Variants in MARCHF4 observed in about 807,000 individuals in gnomAD.
The protein encoded by MARCHF4 is membrane associated ring-CH-type finger 4.
MARCHF4 carries 14 observed loss-of-function variants against 43.9 expected under a neutral mutation model. The observed-to-expected ratio is 0.32, with a 90% CI of 0.21 to 0.50. MARCHF4 has a LOEUF of 0.50. MARCHF4 is among the 20% of genes least tolerant of loss of function. MARCHF4 has a pLI of 0.98. For synonymous variants in MARCHF4, 226 were observed against 213.3 expected (o/e 1.06, Z -0.52); for missense variants, 468 against 536.7 (o/e 0.87, Z 1.27).
At chr2:216,337,166 A>AG (rs1456004712) in intron 1 of MARCHF4, among the ~76,000 whole-genome samples, 1 of 151,972 alleles carries the variant, frequency 6.6e-6, no homozygotes, top group Non-Finnish European at 1.5e-5. Context: ...AAAAAAAAAA[A>AG]GAAAGGTTAA....
intron 1 of MARCHF4, among the ~76,000 whole-genome samples, chr2:216,323,486 C>T (rs1370618005): frequency 2.6e-5 from 4 of 152,166 alleles, no homozygotes; most frequent in African/African-American, 7.2e-5. Context: ...ACAGAACTCT[C>T]CACCCCAAAT....
At chr2:216,274,249 G>T (rs1230675677) in intron 3 of MARCHF4, among the ~76,000 whole-genome samples, 1 of 152,146 alleles carries the variant, frequency 6.6e-6, no homozygotes, top group Non-Finnish European at 1.5e-5. Flanking sequence ...GATGTGGAGT[G>T]CAGTGAGGAC....
intron 3 of MARCHF4, 45 bp from the exon 4 acceptor site, chr2:216,259,724 G>A: frequency 1.9e-6 from 3 of 1,549,036 alleles, no homozygotes; most frequent in Non-Finnish European, 2.7e-6. Context: ...ATGAGAGGAA[G>A]TGGGTCACGG....
intron 1 of MARCHF4, among the ~76,000 whole-genome samples, chr2:216,301,381 G>A (rs911831513): frequency 6.6e-6 from 1 of 152,170 alleles, no homozygotes; most frequent in African/African-American, 2.4e-5. Context: ...TCATCTCTGT[G>A]CTTCCCCCAA....
intron 1 of MARCHF4, among the ~76,000 whole-genome samples, chr2:216,327,957 CAAA>C (rs113198806): frequency 1.1e-5 from 1 of 88,078 alleles, no homozygotes; most frequent in Non-Finnish European, 2.4e-5. Context: ...TATTAGCTTG[CAAA>C]AAAAAAAAAA....
At chr2:216,277,570 C>T (rs1691046772) in intron 3 of MARCHF4, 102 bp downstream of exon 3, 1 of 1,253,122 alleles carries the variant, frequency 8.0e-7, no homozygotes, top group Admixed American at 2.2e-5. Flanking sequence ...AGCCTGGGGC[C>T]ATATCTGCTT....
chr2:216,364,503 G>T lies in MARCHF4; in HGVS notation c.516+5242C>A, dbSNP rs138567247. The stretch of plus-strand genomic sequence containing the variant: ...CCCCACAGTGTGAGGAGTCTGCGGG[G>T]TCAAGGAACCTCACCTCTCTTCTGG... On this transcript the variant is annotated intron_variant, in intron 1 of 3. Transcript: ENST00000273067. Among the ~76,000 whole-genome samples, 98 of 152,294 alleles carry T rather than the reference G, an allele frequency of 6.4e-4. No homozygotes were observed. In the East Asian group the frequency reaches 0.017, roughly 27 times the overall value.
rs116425140 is a variant in MARCHF4 at position 216,288,167 on chromosome 2, G to T, written c.517-4438C>A. 9.6e-3 allele frequency among the ~76,000 whole-genome samples: 1,466 copies of T among 152,300 alleles called. 21 individuals carry two copies. The highest frequency in any genetic ancestry group is 0.033 in the African/African-American group (1,373 of 41,556). Reference sequence around the variant, plus strand: ...TTTTGTAGAGGTGAGATTTCACCACGTAGCCCAGGCTGATCTCAAACTCCT... The same window carrying T: ...TTTTGTAGAGGTGAGATTTCACCACTTAGCCCAGGCTGATCTCAAACTCCT... On this transcript the variant is annotated intron_variant, in intron 1 of 3. Transcript: ENST00000273067.
At chr2:216,324,261 C>A (rs1179044942) in intron 1 of MARCHF4, among the ~76,000 whole-genome samples, 1 of 147,292 alleles carries the variant, frequency 6.8e-6, no homozygotes, top group Non-Finnish European at 1.5e-5. Context: ...CAAGACTAAA[C>A]CAGGAAGAAG....
At chr2:216,350,817 C>T (rs1422742971) in intron 1 of MARCHF4, among the ~76,000 whole-genome samples, 4 of 152,220 alleles carry the variant, frequency 2.6e-5, no homozygotes, top group Admixed American at 6.5e-5. Flanking sequence ...CTTGTTAAAC[C>T]GAAAAGTTAT....
chr2:216,291,262 T>C (rs1480163256), intron 1 of MARCHF4, among the ~76,000 whole-genome samples: 2 of 152,170 alleles, frequency 1.3e-5, no homozygotes, highest in Non-Finnish European at 2.9e-5. Context: ...CAGGGAGTAA[T>C]GGACCTTGTC....
At chr2:216,264,557 G>A (rs942232756) in intron 3 of MARCHF4, among the ~76,000 whole-genome samples, 1 of 152,158 alleles carries the variant, frequency 6.6e-6, no homozygotes, top group Non-Finnish European at 1.5e-5. Flanking sequence ...TAATCCCCTC[G>A]AGGACAGAGC....
chr2:216,293,078 C>T (rs1160315294), intron 1 of MARCHF4, among the ~76,000 whole-genome samples: 1 of 152,182 alleles, frequency 6.6e-6, no homozygotes, highest in Non-Finnish European at 1.5e-5. Context: ...CTCTATGGCC[C>T]TAGAATCCAT....
intron 1 of MARCHF4, among the ~76,000 whole-genome samples, chr2:216,355,414 G>A (rs935384211): frequency 7.9e-5 from 12 of 152,270 alleles, no homozygotes; most frequent in Non-Finnish European, 1.5e-4. Context: ...AATCAGTCTT[G>A]TTTTACTTAT....
intron 1 of MARCHF4, among the ~76,000 whole-genome samples, chr2:216,353,609 G>A (rs763985568): frequency 3.9e-5 from 6 of 152,038 alleles, no homozygotes; most frequent in Non-Finnish European, 5.9e-5. Context: ...GTGCAGTGGC[G>A]TGATCTCAGC....
intron 1 of MARCHF4, among the ~76,000 whole-genome samples, chr2:216,309,599 G>T (rs1263857431): frequency 6.6e-6 from 1 of 152,198 alleles, no homozygotes; most frequent in Non-Finnish European, 1.5e-5. Context: ...TCTGAGGAGG[G>T]CTTCCCAGGG....
intron 1 of MARCHF4, among the ~76,000 whole-genome samples, chr2:216,360,389 T>C (rs1692557805): frequency 6.6e-6 from 1 of 152,180 alleles, no homozygotes; most frequent in African/African-American, 2.4e-5. Context: ...ATAAAAAGAA[T>C]AGACAAACTC....
At chr2:216,295,975 G>A (rs1315876374) in intron 1 of MARCHF4, among the ~76,000 whole-genome samples, 1 of 152,144 alleles carries the variant, frequency 6.6e-6, no homozygotes, top group Non-Finnish European at 1.5e-5. Flanking sequence ...GCGAAACCCT[G>A]TTTCTACTAA....
rs372586477 is a variant in MARCHF4, at chr2:216,262,825, A to G, written c.866-3146T>C. On this transcript the variant is annotated intron_variant, in intron 3 of 3. Transcript: ENST00000273067. ...AATTCATAGCTACTATGTCTTTTAA[A>G]TTAATATAATGCCCTAAAAGAGAAT... Among the ~76,000 whole-genome samples the G allele has an allele frequency of 3.9e-5, 6 of 152,360 alleles. No individual in the cohort carries two copies. In the South Asian group the frequency reaches 1.2e-3, roughly 32 times the overall value.
Sources: allele counts gnomAD v4.1 joint callset (sites outside exome capture counted in the v4.1 genomes callset), GRCh38; gene constraint gnomAD v4.1.1; transcripts MANE v1.5; gene names NCBI Gene and HGNC (gene_info 2026-07-23, HGNC 2026-07-21).